The following EVL variants were observed in gnomAD, a reference collection of about 807,000 sequenced individuals.
EVL encodes the protein Enah/Vasp-like.
A neutral mutation model predicts 59.6 loss-of-function variants in EVL; 21 were observed. That is an observed-to-expected ratio of 0.35 (90% CI 0.25 to 0.51). The LOEUF is 0.51. Ranked by LOEUF, EVL falls within the 20% of genes least tolerant of loss-of-function variation. The pLI, the probability that EVL is intolerant of heterozygous loss-of-function variation, is 0.97. For synonymous variants in EVL, 198 were observed against 203.5 expected (o/e 0.97, Z 0.23); for missense variants, 462 against 546.6 (o/e 0.85, Z 1.54).
At chr14:100,128,258 C>A (rs1888205164) in intron 5 of EVL, among the ~76,000 whole-genome samples, 1 of 152,214 alleles carries the variant, frequency 6.6e-6, no homozygotes, top group South Asian at 2.1e-4. Flanking sequence ...TGCCTGGGCT[C>A]AAGGAATGTT....
At chr14:100,004,001 C>A (rs995775415) in intron 1 of EVL, among the ~76,000 whole-genome samples, 2 of 152,180 alleles carry the variant, frequency 1.3e-5, no homozygotes, top group Non-Finnish European at 2.9e-5. Flanking sequence ...ATCAGGAGTT[C>A]AAGACCAGCC....
chr14:100,106,613 T>C (rs891934725), intron 3 of EVL: 7 of 381,584 alleles, frequency 1.8e-5, no homozygotes, highest in Non-Finnish European at 3.2e-5. Context: ...TATATCCGAA[T>C]TTAGGTAGGT....
chr14:100,142,775 G>C (rs1015864554), intron 13 of EVL, among the ~76,000 whole-genome samples: 1 of 152,228 alleles, frequency 6.6e-6, no homozygotes, highest in Non-Finnish European at 1.5e-5. Flanking sequence ...GAATGAGGCA[G>C]CCTGGGCGAT....
intron 1 of EVL, among the ~76,000 whole-genome samples, chr14:100,045,509 G>A (rs901125636): frequency 2.0e-5 from 3 of 152,176 alleles, no homozygotes; most frequent in Non-Finnish European, 4.4e-5. Context: ...AGGTCACAAT[G>A]ATTTTCAGTT....
At chr14:100,054,789 CTG>C (rs1331633889) in intron 1 of EVL, among the ~76,000 whole-genome samples, 10 of 152,122 alleles carry the variant, frequency 6.6e-5, no homozygotes, top group Admixed American at 6.5e-4. Context: ...TGTGGGGGAA[CTG>C]TGAATGACAT....
At chr14:100,072,585 T>G (rs2062071773) in intron 1 of EVL, among the ~76,000 whole-genome samples, 1 of 152,234 alleles carries the variant, frequency 6.6e-6, no homozygotes, top group Admixed American at 6.5e-5. Context: ...AACAATGGTA[T>G]TTAAGTTATA....
At chr14:100,116,536 G>GGAA (rs1887358804) in intron 3 of EVL, among the ~76,000 whole-genome samples, 1 of 152,314 alleles carries the variant, frequency 6.6e-6, no homozygotes, top group South Asian at 2.1e-4. Context: ...GTGGCCAAGA[G>GGAA]GAAGGCCTTC....
chr14:99,988,393 GATA>G (rs1200174159), intron 1 of EVL, among the ~76,000 whole-genome samples: 3 of 152,168 alleles, frequency 2.0e-5, no homozygotes, highest in African/African-American at 7.2e-5. Flanking sequence ...GAATAAAAAA[GATA>G]ATAACAAATG....
chr14:100,128,790 A>T (rs528151175), intron 6 of EVL, 42 bp downstream of exon 6: 1 of 1,539,878 alleles, frequency 6.5e-7, no homozygotes, highest in Admixed American at 1.7e-5. Flanking sequence ...GACCGAGGGG[A>T]CCCTTGTGCC....
At chr14:100,058,846 G>A (rs1311310618) in intron 1 of EVL, among the ~76,000 whole-genome samples, 1 of 152,152 alleles carries the variant, frequency 6.6e-6, no homozygotes, top group African/African-American at 2.4e-5. Flanking sequence ...AGATGATAGA[G>A]TTAAAATAGT....
At chr14:100,110,576 C>T (rs980852659) in intron 3 of EVL, among the ~76,000 whole-genome samples, 1 of 152,022 alleles carries the variant, frequency 6.6e-6, no homozygotes, top group African/African-American at 2.4e-5. Context: ...GCGGCACCAG[C>T]AGATCTTGGT....
At position 100,132,816 on chromosome 14, in the gene EVL, C is replaced by T. The variant is rs769205225; in HGVS notation, c.900+37C>T. 9.3e-6 allele frequency: 15 copies of T among 1,610,426 alleles called. No individual in the cohort carries two copies. In the African/African-American group the frequency reaches 2.0e-4, roughly 22 times the overall value. On this transcript the variant is annotated intron_variant, in intron 8 of 13. Coordinates refer to ENST00000392920, the MANE Select transcript of EVL (RefSeq NM_016337.3). ...GCCCGCCCCACCCTCAGGCTCCCCACTGAGATGAGCGCATCGCCAGGGAGG... is the reference window on the plus strand; with the variant it reads ...GCCCGCCCCACCCTCAGGCTCCCCATTGAGATGAGCGCATCGCCAGGGAGG...
At chr14:100,065,348 C>G, upstream of EVL, 1 of 781,614 alleles carries the variant, frequency 1.3e-6, no homozygotes, top group Non-Finnish European at 1.7e-6. Context: ...TCCCCTTTGT[C>G]TCTGGTTCAG....
Position 100,109,503 on chromosome 14 carries a change from C to A in EVL, c.358+11845C>A. On this transcript the variant is annotated intron_variant, in intron 3 of 13. Coordinates refer to ENST00000392920, the MANE Select transcript of EVL (RefSeq NM_016337.3). The surrounding 1 kb of genome is among the most constrained non-coding windows in gnomAD (Gnocchi z 4.3). Reference sequence around the variant, plus strand: ...CTCGGGAGCCCTGAAGAGAGACTGACACATCAGAGGTGTCTGGTGACTGAA... The same window carrying A: ...CTCGGGAGCCCTGAAGAGAGACTGAAACATCAGAGGTGTCTGGTGACTGAA... 2.2e-6 allele frequency: 1 copy of A among 451,932 alleles called. No individual in the cohort carries two copies. The highest frequency in any genetic ancestry group is 1.6e-5 in the South Asian group (1 of 62,370). The allele number at this position is 451,932 out of a possible 1,614,324, so 28.0% of individuals were successfully genotyped here.
At chr14:100,039,408 T>G (rs2061434413) in intron 1 of EVL, among the ~76,000 whole-genome samples, 1 of 152,114 alleles carries the variant, frequency 6.6e-6, no homozygotes, top group Admixed American at 6.5e-5. Context: ...GGCTAATTTT[T>G]GTATTTTTGG....
chr14:100,018,883 C>T (rs1033530673), intron 1 of EVL, among the ~76,000 whole-genome samples: 2 of 152,200 alleles, frequency 1.3e-5, no homozygotes, highest in South Asian at 2.1e-4. Context: ...GCTGGCATCT[C>T]GTTTCCTCCT....
chr14:100,115,068 T>G (rs987283246), intron 3 of EVL, among the ~76,000 whole-genome samples: 1 of 151,966 alleles, frequency 6.6e-6, no homozygotes, highest in Admixed American at 6.6e-5. Flanking sequence ...AATGCAGTTA[T>G]GCTCAGTAAA....
At chr14:100,059,176 A>T (rs1286768153) in intron 1 of EVL, among the ~76,000 whole-genome samples, 1 of 152,246 alleles carries the variant, frequency 6.6e-6, no homozygotes, top group East Asian at 1.9e-4. Flanking sequence ...AACTGAATAT[A>T]CAAAGGGTAC....
intron 11 of EVL, chr14:100,138,130 C>T (rs1419140557): frequency 2.3e-6 from 1 of 437,754 alleles, no homozygotes; most frequent in East Asian, 4.4e-5. Flanking sequence ...CCTCTGTTTT[C>T]CCCCCACAAA....
Sources: allele counts gnomAD v4.1 joint callset (sites outside exome capture counted in the v4.1 genomes callset), GRCh38; gene constraint gnomAD v4.1.1; non-coding constraint Gnocchi (gnomAD v3.1); transcripts MANE v1.5; gene names NCBI Gene and HGNC (gene_info 2026-07-23, HGNC 2026-07-21).